Variants in BMPR1B observed in about 807,000 individuals in gnomAD.
BMPR1B encodes bone morphogenetic protein receptor type-1B.
Under a neutral mutation model 59.1 loss-of-function variants are expected in BMPR1B, and 12 were observed. That is an observed-to-expected ratio of 0.20 (90% CI 0.13 to 0.33). The LOEUF (loss-of-function observed/expected upper bound fraction) is 0.33. BMPR1B is among the 10% of genes least tolerant of loss of function. The pLI is 1.00. For missense variants in BMPR1B, 550 were observed against 610.9 expected (o/e 0.90, Z 1.05); for synonymous variants, 237 against 207.3 (o/e 1.14, Z -1.23).
At chr4:95,067,908 G>C (rs1560629302) in intron 3 of BMPR1B, among the ~76,000 whole-genome samples, 1 of 152,120 alleles carries the variant, frequency 6.6e-6, no homozygotes, top group Non-Finnish European at 1.5e-5. Flanking sequence ...CTTAAAGGGA[G>C]GTCTGAATCA....
chr4:94,911,528 G>T (rs533813601), intron 2 of BMPR1B, among the ~76,000 whole-genome samples: 35 of 152,200 alleles, frequency 2.3e-4, no homozygotes, highest in African/African-American at 8.2e-4. Context: ...TTATGTTTCC[G>T]GGAGTCCTCT....
intron 3 of BMPR1B, chr4:95,091,597 C>A: frequency 1.0e-6 from 1 of 985,164 alleles, no homozygotes; most frequent in Non-Finnish European, 1.2e-6. Flanking sequence ...GGGAGCCTGG[C>A]AACCATATAT....
chr4:95,107,488 C>G (rs1252955031), intron 4 of BMPR1B, among the ~76,000 whole-genome samples: 2 of 151,954 alleles, frequency 1.3e-5, no homozygotes, highest in Non-Finnish European at 2.9e-5. Flanking sequence ...AAAATGGAAT[C>G]CCTCAAAAGA....
intron 1 of BMPR1B, among the ~76,000 whole-genome samples, chr4:94,804,589 A>G (rs1424155438): frequency 9.6e-6 from 1 of 103,898 alleles, no homozygotes; most frequent in Non-Finnish European, 1.9e-5. Context: ...TCTTTGTAAT[A>G]CTTTTTTTTT....
intron 3 of BMPR1B, among the ~76,000 whole-genome samples, chr4:95,083,295 G>A (rs1729315332): frequency 6.6e-6 from 1 of 151,972 alleles, no homozygotes; most frequent in African/African-American, 2.4e-5. Flanking sequence ...GTCCTTATCT[G>A]TTCCACAAAG....
intron 2 of BMPR1B, among the ~76,000 whole-genome samples, chr4:94,882,937 G>T (rs1290525268): frequency 2.6e-5 from 4 of 151,658 alleles, no homozygotes; most frequent in African/African-American, 9.7e-5. Context: ...TTATCAAAAA[G>T]GGTGACCTTT....
intron 2 of BMPR1B, among the ~76,000 whole-genome samples, chr4:94,888,379 A>T (rs1355553557): frequency 2.0e-5 from 3 of 151,912 alleles, no homozygotes; most frequent in African/African-American, 7.3e-5. Context: ...GAAGAGGGGA[A>T]AAGAAATGAA....
At chr4:94,987,108 TATATATA>T (rs57249219) in intron 2 of BMPR1B, among the ~76,000 whole-genome samples, 136,656 of 143,786 alleles carry the variant, frequency 0.95, 64,960 homozygotes, top group Middle Eastern at 0.99. Flanking sequence ...ACTATATATG[TATATATA>T]ATATGTATAT....
At chr4:95,148,668 G>C in intron 10 of BMPR1B, 80 bp from the exon 11 acceptor site, 1 of 1,419,102 alleles carries the variant, frequency 7.0e-7, no homozygotes, top group Non-Finnish European at 9.9e-7. Context: ...ACTAACTAAA[G>C]CCATTGTTTC....
intron 3 of BMPR1B, among the ~76,000 whole-genome samples, chr4:95,004,715 A>G (rs1407523775): frequency 1.3e-5 from 2 of 152,162 alleles, no homozygotes; most frequent in Non-Finnish European, 2.9e-5. Context: ...CATTATTCCC[A>G]GTAGTAGTTT....
At chr4:95,091,547 C>G in intron 3 of BMPR1B, 4 of 985,272 alleles carry the variant, frequency 4.1e-6, no homozygotes, top group Non-Finnish European at 4.8e-6. Flanking sequence ...AGTGGAAACC[C>G]CTAGCAATTC....
chr4:95,013,162 G>A (rs1479994041), intron 3 of BMPR1B, among the ~76,000 whole-genome samples: 1 of 151,858 alleles, frequency 6.6e-6, no homozygotes, highest in African/African-American at 2.4e-5. Context: ...TAGAGACACA[G>A]ATTTAGTAAA....
chr4:94,997,548 C>T (rs1722143467), intron 3 of BMPR1B, among the ~76,000 whole-genome samples: 1 of 152,138 alleles, frequency 6.6e-6, no homozygotes, highest in Non-Finnish European at 1.5e-5. Context: ...TCAGAAATAC[C>T]TTAAGGCTAA....
At chr4:94,914,390 G>C (rs1398760054) in intron 2 of BMPR1B, among the ~76,000 whole-genome samples, 1 of 152,132 alleles carries the variant, frequency 6.6e-6, no homozygotes, top group Non-Finnish European at 1.5e-5. Context: ...GCTGGACATA[G>C]ACAGCTAGTA....
At chr4:94,994,129 C>CT in intron 2 of BMPR1B, among the ~76,000 whole-genome samples, 3 of 152,218 alleles carry the variant, frequency 2.0e-5, no homozygotes, top group Admixed American at 2.0e-4. Flanking sequence ...TTTCAAAATT[C>CT]TTTTAAGAGT....
intron 3 of BMPR1B, among the ~76,000 whole-genome samples, chr4:95,032,892 A>T (rs1392371346): frequency 6.6e-6 from 1 of 152,138 alleles, no homozygotes; most frequent in African/African-American, 2.4e-5. Context: ...AATTTTTGAG[A>T]AACTGCCATA....
Position 94,979,286 on chromosome 4 carries a change from C to G in BMPR1B, c.-112-16754C>G, listed in dbSNP as rs7661749. ...TTCTTTGTATCCAGTCTTTACAGGT[C>G]AACTCCAAAGTTAATAGACTGTAGG... On this transcript the variant is annotated intron_variant, in intron 2 of 12. Coordinates refer to ENST00000515059, the MANE Select transcript of BMPR1B (RefSeq NM_001203.3). 2.5e-3 allele frequency among the ~76,000 whole-genome samples: 383 copies of G among 152,222 alleles called. 1 individual carries two copies. The highest frequency in any genetic ancestry group is 8.9e-3 in the African/African-American group (371 of 41,534).
intron 3 of BMPR1B, among the ~76,000 whole-genome samples, chr4:95,016,786 A>T (rs552691410): frequency 4.6e-5 from 7 of 152,176 alleles, no homozygotes; most frequent in Non-Finnish European, 1.0e-4. Context: ...GCAATTAAAT[A>T]AAAATATATT....
intron 2 of BMPR1B, among the ~76,000 whole-genome samples, chr4:94,989,560 T>C (rs920486120): frequency 1.3e-5 from 2 of 152,140 alleles, no homozygotes; most frequent in African/African-American, 4.8e-5. Context: ...AGTACCAATA[T>C]AGGTATTTAT....
Sources: gnomAD v4.1 joint callset for allele counts (sites outside exome capture counted in the v4.1 genomes callset) on GRCh38, gnomAD v4.1.1 for gene constraint, MANE v1.5 for transcripts, NCBI Gene and HGNC (gene_info 2026-07-23, HGNC 2026-07-21) for gene names.